Variants in SYCE3 observed in about 807,000 individuals in gnomAD.
SYCE3 encodes testis highly expressed gene 2 protein.
In SYCE3, 3 loss-of-function variants were observed where a neutral mutation model predicts 8.1. The observed-to-expected ratio is 0.37, with a 90% CI of 0.17 to 0.96. The LOEUF is 0.96. Ranked by LOEUF, SYCE3 falls within the 40% of genes least tolerant of loss-of-function variation. The pLI is 0.41. For missense variants in SYCE3, 83 were observed against 110.0 expected, an observed-to-expected ratio of 0.75 and a Z score of 1.10; for synonymous variants, 36 against 38.7, an observed-to-expected ratio of 0.93 and a Z score of 0.26.
intron 1 of SYCE3, among the ~76,000 whole-genome samples, chr22:50,556,686 T>C (rs891674702): frequency 6.6e-6 from 1 of 152,218 alleles, no homozygotes; most frequent in Non-Finnish European, 1.5e-5. Context: ...AACATCTTCA[T>C]TATAATGAAA....
At chr22:50,556,129 TTC>T (rs1309253086) in intron 2 of SYCE3, among the ~76,000 whole-genome samples, 166 bp downstream of exon 2, 1 of 152,136 alleles carries the variant, frequency 6.6e-6, no homozygotes, top group Non-Finnish European at 1.5e-5. Context: ...GACTGATGTA[TTC>T]TCTCTCCCTA....
intron 1 of SYCE3, among the ~76,000 whole-genome samples, chr22:50,560,874 G>A (rs948982604): frequency 6.6e-6 from 1 of 152,162 alleles, no homozygotes; most frequent in South Asian, 2.1e-4. Flanking sequence ...GGATGGCAAG[G>A]GGGGGATTTC....
At chr22:50,551,895 G>A (rs1205268797) in intron 2 of SYCE3, among the ~76,000 whole-genome samples, 1 of 152,178 alleles carries the variant, frequency 6.6e-6, no homozygotes, top group Non-Finnish European at 1.5e-5. Context: ...CTATGCTTTC[G>A]TTGAGGCCCA....
intron 2 of SYCE3, among the ~76,000 whole-genome samples, chr22:50,554,693 C>CAAAAAAAAAAAAAAAAAAAAAA (rs35905749): frequency 1.3e-5 from 1 of 78,522 alleles, no homozygotes; most frequent in Admixed American, 1.5e-4. Context: ...GACTCCGTCT[C>CAAAAAAAAAAAAAAAAAAAAAA]AAAAAAAAAA....
chr22:50,552,665 T>A (rs751036847), intron 2 of SYCE3, among the ~76,000 whole-genome samples: 7 of 152,256 alleles, frequency 4.6e-5, no homozygotes, highest in Non-Finnish European at 8.8e-5. Flanking sequence ...CTGTGAGAAT[T>A]AAATGGGTGA....
chr22:50,558,674 T>C (rs2069884211), intron 1 of SYCE3, among the ~76,000 whole-genome samples: 1 of 152,162 alleles, frequency 6.6e-6, no homozygotes, highest in Admixed American at 6.5e-5. Context: ...AATAGTTTGC[T>C]AAGAGTAAGT....
In SYCE3 at chr22:50,551,180, C is replaced by A. The variant is rs900845043; in HGVS notation, c.*65G>T. ...CAGCTATTCATGTGGGTGCCAGCTC[C>A]ATCCCCCAGTGACCTCTTCATACGG... On this transcript the variant is annotated 3_prime_UTR_variant, in exon 3 of 3. Coordinates refer to ENST00000406915, the MANE Select transcript of SYCE3 (RefSeq NM_001123225.3). The A allele has an allele frequency of 7.2e-6, 11 of 1,529,132 alleles. No homozygotes were observed. In the East Asian group the frequency reaches 2.7e-4, roughly 38 times the overall value. 94.7% of individuals were successfully genotyped at this position (1,529,132 alleles called of 1,614,324 possible). A position where few individuals can be genotyped will look rare whatever the true frequency, so the allele number is the denominator to read the frequency against.
At chr22:50,552,978 A>T (rs934256361) in intron 2 of SYCE3, among the ~76,000 whole-genome samples, 16 of 152,174 alleles carry the variant, frequency 1.1e-4, no homozygotes, top group African/African-American at 3.9e-4. Context: ...TGGGTGGATC[A>T]CTTGAGCTCA....
chr22:50,557,926 CCT>C (rs1362287487), intron 1 of SYCE3, among the ~76,000 whole-genome samples: 25 of 152,134 alleles, frequency 1.6e-4, no homozygotes, highest in African/African-American at 6.0e-4. Context: ...CCTGGGCCTC[CCT>C]CATCACGGTG....
At chr22:50,561,401 G>C (rs144055359) in intron 1 of SYCE3, among the ~76,000 whole-genome samples, 21 of 152,144 alleles carry the variant, frequency 1.4e-4, no homozygotes, top group Non-Finnish European at 2.6e-4. Flanking sequence ...TAGAATTCAC[G>C]GCATTTCTTG....
At chr22:50,555,331 A>T (rs1270405999) in intron 2 of SYCE3, among the ~76,000 whole-genome samples, 1 of 152,114 alleles carries the variant, frequency 6.6e-6, no homozygotes, top group Non-Finnish European at 1.5e-5. Flanking sequence ...AATTTTCTAA[A>T]GTCTGCTCTA....
At position 50,551,264 on chromosome 22, in the gene SYCE3, T is replaced by TC; in HGVS notation, c.247dup (p.Glu83GlyfsTer23). ...TGGGGCCTACAGCCTTTGCTTGGTC[T>TC]CATGCAGCAGCTCTTGCCAGTTCTT... On this transcript the variant is annotated frameshift_variant, in exon 3 of 3. Transcript: ENST00000406915. LOFTEE classifies it high-confidence loss of function. 1 of 1,551,430 alleles carries TC rather than the reference T, an allele frequency of 6.4e-7. No individual in the cohort carries two copies. Among genetic ancestry groups the TC allele is most frequent in the Non-Finnish European group, 8.7e-7 (1 of 1,146,958 alleles).
At chr22:50,553,886 C>T (rs368179697) in intron 2 of SYCE3, among the ~76,000 whole-genome samples, 2 of 152,018 alleles carry the variant, frequency 1.3e-5, no homozygotes, top group Non-Finnish European at 2.9e-5. Flanking sequence ...CAGCCTGTAG[C>T]AGATTTATAT....
intron 2 of SYCE3, among the ~76,000 whole-genome samples, chr22:50,554,940 GTGAAACCCCGTCTCTAC>G (rs1034608251): frequency 6.6e-6 from 1 of 151,588 alleles, no homozygotes; most frequent in Non-Finnish European, 1.5e-5. Flanking sequence ...GGCTAACACA[GTGAAACCCCGTCTCTAC>G]TAAAAATACA....
intron 1 of SYCE3, among the ~76,000 whole-genome samples, chr22:50,557,265 TC>T (rs2146596805): frequency 6.6e-6 from 1 of 151,980 alleles, no homozygotes; most frequent in Admixed American, 6.6e-5. Context: ...CAAGTGATTC[TC>T]CTGCCTCAGC....
intron 1 of SYCE3, 21 bp downstream of exon 1, chr22:50,562,837 G>A (rs2069944028): frequency 6.6e-6 from 1 of 152,232 alleles, no homozygotes; most frequent in East Asian, 1.9e-4. Context: ...CCGGGGCCCA[G>A]GGGGGCGCGG....
At chr22:50,558,666 T>C (rs2069884113) in intron 1 of SYCE3, among the ~76,000 whole-genome samples, 1 of 152,174 alleles carries the variant, frequency 6.6e-6, no homozygotes, top group African/African-American at 2.4e-5. Context: ...TAAGTAGGAA[T>C]AGTTTGCTAA....
chr22:50,558,479 TC>T (rs1399470364), intron 1 of SYCE3, among the ~76,000 whole-genome samples: 1 of 151,928 alleles, frequency 6.6e-6, no homozygotes, highest in African/African-American at 2.4e-5. Context: ...CTTGCCGTCC[TC>T]CCTGTTAAGG....
At chr22:50,552,915 T>C (rs2069824734) in intron 2 of SYCE3, among the ~76,000 whole-genome samples, 1 of 152,034 alleles carries the variant, frequency 6.6e-6, no homozygotes, top group African/African-American at 2.4e-5. Flanking sequence ...AGAAGGTGGC[T>C]GGCCGGGCAA....
Sources: gnomAD v4.1 joint callset for allele counts (sites outside exome capture counted in the v4.1 genomes callset) on GRCh38, gnomAD v4.1.1 for gene constraint, MANE v1.5 for transcripts, NCBI Gene and HGNC (gene_info 2026-07-23, HGNC 2026-07-21) for gene names.